The following PHF21A variants were observed in gnomAD, a reference collection of about 807,000 sequenced individuals.
PHF21A encodes the protein BHC80a.
PHF21A carries 11 observed loss-of-function variants against 82.5 expected under a neutral mutation model. That is an observed-to-expected ratio of 0.13 (90% CI 0.08 to 0.22). PHF21A has a LOEUF of 0.22. Among genes scored for constraint, PHF21A ranks in the 10% least tolerant of loss-of-function variants. PHF21A has a pLI of 1.00. For synonymous variants in PHF21A, 297 were observed against 302.8 expected (o/e 0.98, Z 0.20); for missense variants, 579 against 837.8 (o/e 0.69, Z 3.81).
chr11:46,097,364 G>A lies in PHF21A; in HGVS notation c.-236-5141C>T, dbSNP rs940553134. On this transcript the variant is annotated intron_variant, in intron 1 of 18. Coordinates refer to ENST00000676320, the MANE Select transcript of PHF21A (RefSeq NM_001352027.3). The stretch of plus-strand genomic sequence containing the variant: ...CTCGAAGCCGTCCCATCTCCCTATC[G>A]CTCAATCCTTTCCAGCAACACTGGC... 2.0e-5 allele frequency among the ~76,000 whole-genome samples: 3 copies of A among 151,958 alleles called. No homozygotes were observed. The South Asian group carries it at 6.3e-4, about 32-fold the overall frequency.
intron 11 of PHF21A, among the ~76,000 whole-genome samples, chr11:45,951,876 G>A (rs1051940877): frequency 8.1e-5 from 12 of 147,312 alleles, no homozygotes; most frequent in African/African-American, 2.3e-4. Flanking sequence ...GCACAATCTC[G>A]GCTCACTGCA....
intron 6 of PHF21A, among the ~76,000 whole-genome samples, chr11:46,035,047 G>A (rs758618899): frequency 6.6e-6 from 1 of 152,174 alleles, no homozygotes; most frequent in East Asian, 1.9e-4. Context: ...GACTGAAGAG[G>A]TTTGCTGCTT....
chr11:45,975,009 T>G (rs577928429), intron 7 of PHF21A, among the ~76,000 whole-genome samples: 11 of 152,120 alleles, frequency 7.2e-5, no homozygotes, highest in Non-Finnish European at 1.5e-4. Context: ...ATATGAAGTA[T>G]TGATTTAAAA....
chr11:46,115,575 A>G (rs190210216), intron 1 of PHF21A, among the ~76,000 whole-genome samples: 59 of 152,308 alleles, frequency 3.9e-4, no homozygotes, highest in African/African-American at 1.4e-3. Context: ...AATTAATGTG[A>G]TCAAAACGTT....
chr11:46,050,833 T>C (rs1283753294), intron 6 of PHF21A, among the ~76,000 whole-genome samples: 1 of 152,224 alleles, frequency 6.6e-6, no homozygotes, highest in Admixed American at 6.5e-5. Flanking sequence ...CAACTGAGTA[T>C]GTGTGCAGGA....
chr11:46,119,902 G>T (rs901072645), intron 1 of PHF21A: 3 of 147,024 alleles, frequency 2.0e-5, no homozygotes, highest in Non-Finnish European at 3.0e-5. Context: ...GGGCGCGGGC[G>T]GGGGAGGGGC....
In PHF21A at chr11:45,931,711, C is replaced by G. The variant is rs2087667277; in HGVS notation, c.*2257G>C. ...CCTAGACTCTGGCCATTCCCAGGGC[C>G]TGGAGTGGGCTTGGGGGAGATGCTC... On this transcript the variant is annotated 3_prime_UTR_variant, in exon 19 of 19. Coordinates refer to ENST00000676320, the MANE Select transcript of PHF21A (RefSeq NM_001352027.3). 6.6e-6 allele frequency: 1 copy of G among 152,332 alleles called. No individual in the cohort carries two copies. 9.4% of individuals were successfully genotyped at this position (152,332 alleles called of 1,614,324 possible).
chr11:46,043,909 G>A (rs147638720), intron 6 of PHF21A, among the ~76,000 whole-genome samples: 68 of 152,238 alleles, frequency 4.5e-4, no homozygotes, highest in African/African-American at 1.5e-3. Context: ...AGTAAAAGAT[G>A]GATCGCAGCA....
At chr11:45,969,947 T>C (rs1344753174) in intron 8 of PHF21A, 43 bp from the exon 9 acceptor site, 4 of 1,215,316 alleles carry the variant, frequency 3.3e-6, no homozygotes, top group Non-Finnish European at 4.8e-6. Context: ...GAACAATTAC[T>C]CTTCAATATC....
intron 6 of PHF21A, among the ~76,000 whole-genome samples, chr11:46,068,358 T>G (rs138028302): frequency 1.1e-4 from 16 of 152,304 alleles, no homozygotes; most frequent in Non-Finnish European, 2.2e-4. Context: ...TAAATGGGAA[T>G]GGATTTTTTG....
intron 1 of PHF21A, among the ~76,000 whole-genome samples, chr11:46,099,558 A>ACC (rs993634883): frequency 0.012 from 1,746 of 151,270 alleles, 30 homozygotes; most frequent in East Asian, 0.039. Flanking sequence ...ACACACACAC[A>ACC]CACACCCTAA....
At chr11:46,113,251 C>T (rs1298047839) in intron 1 of PHF21A, among the ~76,000 whole-genome samples, 1 of 152,186 alleles carries the variant, frequency 6.6e-6, no homozygotes, top group Non-Finnish European at 1.5e-5. Context: ...AAAGTCTGAA[C>T]TATCTAGCAC....
intron 6 of PHF21A, among the ~76,000 whole-genome samples, chr11:45,992,553 G>T (rs369554287): frequency 5.3e-5 from 8 of 152,060 alleles, no homozygotes; most frequent in Admixed American, 3.9e-4. Flanking sequence ...TCTCAAAAAA[G>T]AAAATTTTTT....
At position 45,969,829 on chromosome 11, in the gene PHF21A, T is replaced by C; in HGVS notation, c.688A>G (p.Asn230Asp). Residue 230 changes from asparagine to aspartate, a missense_variant, in exon 9 of 19, where the codon AAC becomes GAC. Around this residue, in one of 3 missense-constraint regions of PHF21A, gnomAD observed 410 missense variants for 642.1 expected, o/e 0.64. Transcript: ENST00000676320. ...GGTTTACTCACCTGTGGAAGAAAGT[T>C]TGGACGTGGAGTGAGTCTAGGAGGG... ...IPPPRLTPRP[N>D]FLPQVRPKPV... is the part of the protein sequence containing the mutation. 3 of 1,612,738 alleles carry C rather than the reference T, an allele frequency of 1.9e-6. No homozygotes were observed. Among genetic ancestry groups the C allele is most frequent in the Non-Finnish European group, 8.5e-7 (1 of 1,178,782 alleles).
chr11:45,952,323 C>T (rs1438285215), intron 11 of PHF21A, among the ~76,000 whole-genome samples: 4 of 152,126 alleles, frequency 2.6e-5, no homozygotes, highest in African/African-American at 9.7e-5. Flanking sequence ...CTCGCTGCAG[C>T]CTAGACCTCC....
intron 6 of PHF21A, among the ~76,000 whole-genome samples, chr11:46,032,780 T>C (rs1262843731): frequency 1.3e-5 from 2 of 152,204 alleles, no homozygotes; most frequent in Admixed American, 6.5e-5. Context: ...ATTGTTCTAA[T>C]TTATAATTCC....
chr11:45,957,751 C>CAAAAAAAAAA, intron 10 of PHF21A, among the ~76,000 whole-genome samples: 5 of 60,880 alleles, frequency 8.2e-5, no homozygotes, highest in Non-Finnish European at 1.3e-4. Flanking sequence ...AAATTCAAAG[C>CAAAAAAAAAA]AAAAAAAAAA....
chr11:46,010,747 G>A (rs1165298899), intron 6 of PHF21A, among the ~76,000 whole-genome samples: 1 of 152,144 alleles, frequency 6.6e-6, no homozygotes, highest in Non-Finnish European at 1.5e-5. Flanking sequence ...GTATTTCTGT[G>A]CCTCTCTTTT....
At chr11:45,946,182 G>A (rs2091265746) in intron 14 of PHF21A, 179 bp from the exon 15 acceptor site, 1 of 1,377,976 alleles carries the variant, frequency 7.3e-7, no homozygotes. Context: ...AGATTTAAAT[G>A]TCATTAGAAA....
Sources: gnomAD v4.1 joint callset for allele counts (sites outside exome capture counted in the v4.1 genomes callset) on GRCh38, gnomAD v4.1.1 for gene constraint, gnomAD v4.1.1 regional missense constraint, MANE v1.5 for transcripts, NCBI Gene and HGNC (gene_info 2026-07-23, HGNC 2026-07-21) for gene names.